The following TENM1 variants were observed in gnomAD, a reference collection of about 807,000 sequenced individuals.
TENM1 encodes the protein teneurin-1.
Under a neutral mutation model 174.8 loss-of-function variants are expected in TENM1, and 35 were observed. That is an observed-to-expected ratio of 0.20 (90% CI 0.15 to 0.27). The LOEUF is 0.27. Ranked by LOEUF, TENM1 falls within the 10% of genes least tolerant of loss-of-function variation. The pLI, the probability that TENM1 is intolerant of heterozygous loss-of-function variation, is 1.00. For synonymous variants in TENM1, 781 were observed against 798.7 expected, an observed-to-expected ratio of 0.98 and a Z score of 0.37; for missense variants, 1,633 against 2,130.1, an observed-to-expected ratio of 0.77 and a Z score of 4.59.
chrX:124,471,437 A>T (rs867069721), intron 22 of TENM1, among the ~76,000 whole-genome samples: 10 of 60,139 alleles, frequency 1.7e-4, no homozygotes, highest in Middle Eastern at 0.043. Context: ...TATATTATAT[A>T]ATATATAGTA....
At chrX:125,162,452 C>A in the TENM1 span, among the ~76,000 whole-genome samples, 1 of 111,551 alleles carries the variant, frequency 9.0e-6, no homozygotes, top group South Asian at 3.8e-4. Flanking sequence ...ACCAATGTGC[C>A]AAATCCAGGT....
At chrX:125,006,005 G>T in the TENM1 span, among the ~76,000 whole-genome samples, 1 of 111,556 alleles carries the variant, frequency 9.0e-6, no homozygotes, top group African/African-American at 3.3e-5. Flanking sequence ...TGGAACTCCA[G>T]TGAGACAGGA....
chrX:124,913,934 C>T (rs1259319264), intron 1 of TENM1, among the ~76,000 whole-genome samples: 1 of 111,810 alleles, frequency 8.9e-6, no homozygotes, highest in Admixed American at 9.5e-5. Flanking sequence ...ATACACTTTA[C>T]ATACATTCTG....
chrX:124,998,381 G>A, the TENM1 span, among the ~76,000 whole-genome samples: 140 of 109,483 alleles, frequency 1.3e-3, no homozygotes, highest in African/African-American at 4.4e-3. Context: ...ATTTTAGCGG[G>A]AGGGCTATGC....
chrX:124,495,080 A>C (rs1171874927), intron 20 of TENM1, among the ~76,000 whole-genome samples: 10 of 106,968 alleles, frequency 9.3e-5, no homozygotes. Flanking sequence ...TCCCTGAGGA[A>C]TCGCCACACT....
rs1308892618 is a variant in TENM1, at chrX:124,522,576, T to C, written c.3033+788A>G. 5.5e-5 allele frequency among the ~76,000 whole-genome samples: 6 copies of C among 109,601 alleles called. No individual in the cohort carries two copies. The Admixed American group carries it at 5.8e-4, about 11-fold the overall frequency. ...GCAAAGCTTTTTTAAAAAAAAAAAC[T>C]GCACAGGCTTGAAAACTACATTTAC... On this transcript the variant is annotated intron_variant, in intron 17 of 31. Transcript: ENST00000422452.
At chrX:125,058,619 C>A in the TENM1 span, among the ~76,000 whole-genome samples, 2 of 110,724 alleles carry the variant, frequency 1.8e-5, no homozygotes, top group Non-Finnish European at 3.8e-5. Context: ...GACTACTAGA[C>A]AGCTGTTCAA....
chrX:124,616,281 T>C (rs1006331396), intron 11 of TENM1, among the ~76,000 whole-genome samples: 1 of 113,021 alleles, frequency 8.8e-6, no homozygotes, highest in African/African-American at 3.2e-5. Flanking sequence ...GAACATCTCT[T>C]TTCTGCGTTC....
the TENM1 span, among the ~76,000 whole-genome samples, chrX:125,109,702 A>C: frequency 3.6e-5 from 4 of 111,572 alleles, no homozygotes; most frequent in East Asian, 1.1e-3. Flanking sequence ...CAGCACCCCC[A>C]CCATCATACC....
intron 27 of TENM1, among the ~76,000 whole-genome samples, chrX:124,402,887 C>T (rs2060415523): frequency 9.0e-6 from 1 of 110,787 alleles, no homozygotes; most frequent in African/African-American, 3.3e-5. Flanking sequence ...CAAGGCATTT[C>T]TTAAAGCGTT....
chrX:124,887,807 A>T (rs1279454114), intron 3 of TENM1, among the ~76,000 whole-genome samples: 1 of 111,136 alleles, frequency 9.0e-6, no homozygotes, highest in Non-Finnish European at 1.9e-5. Flanking sequence ...AGCCATTAGG[A>T]TGTCAGTTAT....
intron 5 of TENM1, among the ~76,000 whole-genome samples, chrX:124,675,203 A>G (rs1024159408): frequency 3.6e-5 from 4 of 111,791 alleles, no homozygotes; most frequent in African/African-American, 1.3e-4. Context: ...GTGTGAATAT[A>G]TAATGAAAGT....
the TENM1 span, among the ~76,000 whole-genome samples, chrX:125,191,238 C>T: frequency 8.9e-6 from 1 of 111,916 alleles, no homozygotes; most frequent in African/African-American, 3.2e-5. Context: ...GCCAAATCTA[C>T]ACCAACTAAT....
intron 27 of TENM1, among the ~76,000 whole-genome samples, chrX:124,397,302 C>G (rs1010154346): frequency 1.1e-4 from 12 of 112,153 alleles, no homozygotes; most frequent in African/African-American, 3.6e-4. Context: ...CTACGTTGAT[C>G]TAAAGGCAAT....
chrX:124,385,652 A>T (rs1413198812), intron 29 of TENM1, 25 bp downstream of exon 32: 10 of 1,169,060 alleles, frequency 8.6e-6, no homozygotes, highest in Non-Finnish European at 1.1e-5. Context: ...GTTGTTGTAC[A>T]CACCACCACT....
intron 3 of TENM1, among the ~76,000 whole-genome samples, chrX:124,840,057 A>T (rs781582972): frequency 8.9e-6 from 1 of 111,954 alleles, no homozygotes; most frequent in Non-Finnish European, 1.9e-5. Context: ...GACGATAATA[A>T]TATTGACCAC....
chrX:124,596,259 T>A (rs991099811), intron 11 of TENM1, among the ~76,000 whole-genome samples: 1 of 112,084 alleles, frequency 8.9e-6, no homozygotes, highest in Non-Finnish European at 1.9e-5. Flanking sequence ...ATATATGAGT[T>A]TTTGGATACA....
intron 11 of TENM1, among the ~76,000 whole-genome samples, chrX:124,620,649 C>T (rs955252123): frequency 2.7e-5 from 3 of 111,978 alleles, no homozygotes; most frequent in Non-Finnish European, 5.6e-5. Context: ...TGAATAATTG[C>T]TGTGAATAAC....
chrX:125,093,263 A>G, the TENM1 span, among the ~76,000 whole-genome samples: 1 of 111,582 alleles, frequency 9.0e-6, no homozygotes, highest in South Asian at 3.8e-4. Flanking sequence ...ACATAGCGGC[A>G]TGGGTCCTCT....
Sources: allele counts gnomAD v4.1 joint callset (sites outside exome capture counted in the v4.1 genomes callset), GRCh38; gene constraint gnomAD v4.1.1; transcripts MANE v1.5; gene names NCBI Gene and HGNC (gene_info 2026-07-23, HGNC 2026-07-21).